The following TTC28 variants were observed in gnomAD, a reference collection of about 807,000 sequenced individuals.
TTC28 encodes the protein tetratricopeptide repeat protein 28.
TTC28 carries 61 observed loss-of-function variants against 198.0 expected under a neutral mutation model. The observed-to-expected ratio is 0.31, with a 90% confidence interval of 0.25 to 0.38. The LOEUF (loss-of-function observed/expected upper bound fraction) is 0.38. Ranked by LOEUF, TTC28 falls within the 10% of genes least tolerant of loss-of-function variation. The pLI is 1.00. For missense variants in TTC28, 2,678 were observed against 3,164.0 expected, an observed-to-expected ratio of 0.85 and a Z score of 3.69; for synonymous variants, 1,171 against 1,297.8, an observed-to-expected ratio of 0.90 and a Z score of 2.10.
chr22:28,605,615 A>G (rs1255845145), intron 2 of TTC28, among the ~76,000 whole-genome samples: 1 of 152,230 alleles, frequency 6.6e-6, no homozygotes, highest in Non-Finnish European at 1.5e-5. Context: ...TATAGAAGTA[A>G]CTGCACTTCC....
chr22:28,260,776 T>C (rs1931261865), intron 5 of TTC28, among the ~76,000 whole-genome samples: 1 of 152,144 alleles, frequency 6.6e-6, no homozygotes, highest in Admixed American at 6.6e-5. Context: ...ATTCCTGGAC[T>C]CAGTACCAAT....
At chr22:28,534,505 C>T (rs1017450460) in intron 2 of TTC28, among the ~76,000 whole-genome samples, 13 of 152,240 alleles carry the variant, frequency 8.5e-5, no homozygotes, top group South Asian at 2.1e-4. Context: ...GACAGTGTGG[C>T]GATTCCTCAA....
chr22:28,603,739 A>G (rs947853848), intron 2 of TTC28, among the ~76,000 whole-genome samples: 2 of 152,122 alleles, frequency 1.3e-5, no homozygotes, highest in Non-Finnish European at 2.9e-5. Context: ...CAATCCTTAT[A>G]ACAGTCCTCT....
At chr22:28,484,885 C>T (rs1568973316) in intron 2 of TTC28, among the ~76,000 whole-genome samples, 1 of 152,196 alleles carries the variant, frequency 6.6e-6, no homozygotes, top group Non-Finnish European at 1.5e-5. Flanking sequence ...CTCAGCTTGA[C>T]ACAAAGTACA....
chr22:28,039,788 A>G (rs887974302), intron 12 of TTC28, among the ~76,000 whole-genome samples: 8 of 152,174 alleles, frequency 5.3e-5, no homozygotes, highest in African/African-American at 1.9e-4. Flanking sequence ...AAAAAAATCA[A>G]TGAATCCAGG....
At chr22:28,498,796 C>A (rs978718984) in intron 2 of TTC28, among the ~76,000 whole-genome samples, 2 of 152,130 alleles carry the variant, frequency 1.3e-5, no homozygotes, top group African/African-American at 4.8e-5. Flanking sequence ...ACCATATGGG[C>A]AGTTCCAGTT....
In TTC28 at chr22:28,001,530, G is replaced by T. The variant is rs1216824328; in HGVS notation, c.4242C>A (p.Pro1414=). Residue 1414 remains proline (P), a synonymous_variant, in exon 15 of 23, where the codon CCC becomes CCA. Transcript: ENST00000397906. The part of the protein sequence containing the change: ...MEGGLMHSSG[P]VGRHRQLILV... ...GGATGAGCTGCCGGTGCCGGCCCAC[G>T]GGGCCGCTGGAGTGCATCAGGCCCT... 1 of 1,551,076 alleles carries T rather than the reference G, an allele frequency of 6.4e-7. No homozygotes were observed. Among genetic ancestry groups the T allele is most frequent in the Non-Finnish European group, 8.7e-7 (1 of 1,146,860 alleles).
chr22:28,537,718 T>G (rs16986502), intron 2 of TTC28, among the ~76,000 whole-genome samples: 5,508 of 152,318 alleles, frequency 0.036, 159 homozygotes, highest in African/African-American at 0.07. Flanking sequence ...ATCATTAAAT[T>G]TAACAGCAAA....
At chr22:28,311,296 G>C (rs1307969619) in intron 2 of TTC28, among the ~76,000 whole-genome samples, 5 of 151,924 alleles carry the variant, frequency 3.3e-5, no homozygotes, top group African/African-American at 7.3e-5. Flanking sequence ...GGGGAAAATA[G>C]AAATGCTGAT....
intron 2 of TTC28, among the ~76,000 whole-genome samples, chr22:28,320,222 A>G (rs2045424111): frequency 6.6e-6 from 1 of 152,034 alleles, no homozygotes; most frequent in Admixed American, 6.6e-5. Context: ...ACTCATGCCA[A>G]AGACAGATGA....
chr22:28,441,717 A>G (rs1022475383), intron 2 of TTC28, among the ~76,000 whole-genome samples: 2 of 152,170 alleles, frequency 1.3e-5, no homozygotes, highest in Non-Finnish European at 2.9e-5. Flanking sequence ...ACACAGTATC[A>G]CACATCGTGC....
chr22:28,508,948 T>G (rs1479925961), intron 2 of TTC28, among the ~76,000 whole-genome samples: 2 of 152,198 alleles, frequency 1.3e-5, no homozygotes, highest in East Asian at 3.9e-4. Flanking sequence ...TCCCAGCATT[T>G]TGGGAGGCCA....
chr22:28,129,782 G>A (rs547653030), intron 6 of TTC28, among the ~76,000 whole-genome samples: 1 of 152,294 alleles, frequency 6.6e-6, no homozygotes, highest in East Asian at 1.9e-4. Flanking sequence ...GATGATGCAC[G>A]TAAAAGTATT....
chr22:28,646,118 G>C lies in TTC28; in HGVS notation c.103-16288C>G, dbSNP rs1052660640. Among the ~76,000 whole-genome samples the C allele has an allele frequency of 3.3e-5, 5 of 152,092 alleles. 1 individual carries two copies. Among genetic ancestry groups the C allele is most frequent in the Admixed American group, 3.3e-4 (5 of 15,266 alleles). On this transcript the variant is annotated intron_variant, in intron 1 of 22. Transcript: ENST00000397906. The stretch of plus-strand genomic sequence containing the variant: ...AGTGAAGGGCATCCAAGTAGGAAGG[G>C]AGGAGGTCAAGCTGTCTCTGCCGAT...
intron 6 of TTC28, among the ~76,000 whole-genome samples, chr22:28,121,614 A>G (rs1023541128): frequency 7.2e-5 from 11 of 152,184 alleles, no homozygotes; most frequent in African/African-American, 2.4e-4. Flanking sequence ...CTAAAATTGA[A>G]ATTTAAAAAA....
intron 13 of TTC28, among the ~76,000 whole-genome samples, chr22:28,020,948 C>T (rs946129462): frequency 2.0e-5 from 3 of 152,136 alleles, no homozygotes; most frequent in African/African-American, 4.8e-5. Flanking sequence ...CTGCCTTCTG[C>T]GAGGCAGGCT....
In TTC28 at chr22:28,196,134, A is replaced by G. The variant is rs1286045332; in HGVS notation, c.934-32535T>C. Reference sequence around the variant, plus strand: ...ACAGAGCCCTCAGAAATAATGCCGCATATCTACAACCATCTGATCTTTGAC... The same window carrying G: ...ACAGAGCCCTCAGAAATAATGCCGCGTATCTACAACCATCTGATCTTTGAC... On this transcript the variant is annotated intron_variant, in intron 5 of 22. Coordinates refer to ENST00000397906, the MANE Select transcript of TTC28 (RefSeq NM_001145418.2). Among the ~76,000 whole-genome samples, 3 of 152,004 alleles carry G rather than the reference A, an allele frequency of 2.0e-5. No homozygotes were observed. In the South Asian group the frequency reaches 6.2e-4, roughly 32 times the overall value.
At chr22:28,655,379 T>C (rs2051628788) in intron 1 of TTC28, among the ~76,000 whole-genome samples, 2 of 152,218 alleles carry the variant, frequency 1.3e-5, no homozygotes, top group Non-Finnish European at 2.9e-5. Context: ...TATAGGAAAC[T>C]GTACTATTAA....
chr22:28,588,566 G>GA (rs1056268803), intron 2 of TTC28, among the ~76,000 whole-genome samples: 19 of 152,256 alleles, frequency 1.2e-4, no homozygotes, highest in Admixed American at 1.0e-3. Flanking sequence ...GCATCTCACA[G>GA]AAAAAATGCA....
Sources: gnomAD v4.1 joint callset for allele counts (sites outside exome capture counted in the v4.1 genomes callset) on GRCh38, gnomAD v4.1.1 for gene constraint, MANE v1.5 for transcripts, NCBI Gene and HGNC (gene_info 2026-07-23, HGNC 2026-07-21) for gene names.